TRIM2: variants seen among roughly 807,000 people sequenced by gnomAD.
TRIM2 encodes the protein tripartite motif containing 2.
In TRIM2, 20 loss-of-function variants were observed where a neutral mutation model predicts 75.2. The ratio of observed to expected loss-of-function variants is 0.27; its 90% CI spans 0.19 to 0.39. TRIM2 has a LOEUF of 0.39. Among genes scored for constraint, TRIM2 ranks in the 10% least tolerant of loss-of-function variants. The pLI, the probability that TRIM2 is intolerant of heterozygous loss-of-function variation, is 1.00. For missense variants in TRIM2, 660 were observed against 990.8 expected, an observed-to-expected ratio of 0.67 and a Z score of 4.48; for synonymous variants, 373 against 388.3, an observed-to-expected ratio of 0.96 and a Z score of 0.46.
At chr4:153,320,647 T>C (rs1190521706) in intron 8 of TRIM2, among the ~76,000 whole-genome samples, 1 of 152,200 alleles carries the variant, frequency 6.6e-6, no homozygotes, top group Non-Finnish European at 1.5e-5. Flanking sequence ...TTGTTGTTGT[T>C]TTCGAGACAG....
chr4:153,283,914 A>C (rs1463426465), intron 3 of TRIM2, among the ~76,000 whole-genome samples: 2 of 119,022 alleles, frequency 1.7e-5, no homozygotes, highest in East Asian at 4.8e-4. Flanking sequence ...TCTGCTGCCC[A>C]GGCTGGAATG....
At chr4:153,190,655 C>G (rs1485381176) in intron 1 of TRIM2, among the ~76,000 whole-genome samples, 3 of 152,170 alleles carry the variant, frequency 2.0e-5, no homozygotes, top group African/African-American at 7.2e-5. Flanking sequence ...GGGAGGAATA[C>G]TAGGGCATCT....
intron 10 of TRIM2, among the ~76,000 whole-genome samples, chr4:153,325,500 G>T (rs1769975012): frequency 6.6e-6 from 1 of 152,210 alleles, no homozygotes; most frequent in South Asian, 2.1e-4. Context: ...CGGAAGTAGA[G>T]AGCAAAGAGG....
At chr4:153,182,081 C>A (rs1187297063) in intron 1 of TRIM2, among the ~76,000 whole-genome samples, 1 of 152,168 alleles carries the variant, frequency 6.6e-6, no homozygotes, top group Non-Finnish European at 1.5e-5. Context: ...AGTGCCCAAG[C>A]AGCCCATTTT....
At position 153,293,081 on chromosome 4, in the gene TRIM2, G is replaced by A; in HGVS notation, c.553G>A (p.Val185Met). The A allele has an allele frequency of 1.9e-6, 3 of 1,613,638 alleles. No individual in the cohort carries two copies. The highest frequency in any genetic ancestry group is 2.2e-5 in the East Asian group (1 of 44,876). ...EHPTVPLKDV[V>M]EQHKASLQVQ... ...CCCCACAGTTCCACTCAAGGATGTGGTGGAACAGCACAAGGCCTCGCTCCA... is the reference window on the plus strand; with the variant it reads ...CCCCACAGTTCCACTCAAGGATGTGATGGAACAGCACAAGGCCTCGCTCCA... Residue 185 changes from valine to methionine, a missense_variant, in exon 4 of 12, where the codon GTG becomes ATG. Coordinates refer to ENST00000338700, the MANE Select transcript of TRIM2 (RefSeq NM_015271.5).
chr4:153,278,248 G>T (rs1758458453), intron 3 of TRIM2, among the ~76,000 whole-genome samples: 1 of 152,024 alleles, frequency 6.6e-6, no homozygotes, highest in African/African-American at 2.4e-5. Context: ...CCAGTATCTG[G>T]GACTACAGGT....
intron 8 of TRIM2, among the ~76,000 whole-genome samples, chr4:153,320,984 C>T: frequency 6.6e-6 from 1 of 152,206 alleles, no homozygotes. Context: ...CACGTCAAGC[C>T]TGGGTGCCAG....
chr4:153,156,142 C>A (rs752812480), intron 1 of TRIM2, among the ~76,000 whole-genome samples: 1 of 152,252 alleles, frequency 6.6e-6, no homozygotes, highest in Non-Finnish European at 1.5e-5. Context: ...GGCCCCTCAT[C>A]CAGATAGGCA....
In TRIM2 at chr4:153,337,102, G is replaced by A. The variant is rs144045281; in HGVS notation, c.*2136G>A. ...TGGGGTGGGAATTTCATTTTGCCAC[G>A]TACTAACGTTCTGCACAAAAGACAG... On this transcript the variant is annotated 3_prime_UTR_variant, in exon 12 of 12. Coordinates refer to ENST00000338700, the MANE Select transcript of TRIM2 (RefSeq NM_015271.5). 2,143 of 985,368 alleles carry A rather than the reference G, an allele frequency of 2.2e-3. 26 individuals carry two copies. In the African/African-American group the frequency reaches 0.035, roughly 16 times the overall value. The allele number at this position is 985,368 out of a possible 1,614,324, so 61.0% of individuals were successfully genotyped here. A position where few individuals can be genotyped will look rare whatever the true frequency, so the allele number is the denominator to read the frequency against.
At position 153,155,640 on chromosome 4, in the gene TRIM2, G is replaced by A. The variant is rs148981499; in HGVS notation, c.-49+2370G>A. On this transcript the variant is annotated intron_variant, in intron 1 of 11. Coordinates refer to the TRIM2 transcript ENST00000437508. ...AAAGTAAAATTAACCACCAAGAGGC[G>A]TCTAGAAGTGAACAATTTATCATCT... 8.1e-3 allele frequency among the ~76,000 whole-genome samples: 1,225 copies of A among 152,168 alleles called. 28 individuals carry two copies. Among genetic ancestry groups the A allele is most frequent in the Non-Finnish European group, 6.4e-3 (435 of 67,996 alleles).
intron 1 of TRIM2, among the ~76,000 whole-genome samples, chr4:153,269,998 A>G (rs2119162): frequency 0.33 from 50,069 of 151,830 alleles, 8,705 homozygotes; most frequent in African/African-American, 0.44. Context: ...GCGCGATCTC[A>G]GCTCACTGCA....
chr4:153,317,092 G>A (rs1243836558), intron 8 of TRIM2, among the ~76,000 whole-genome samples: 1 of 150,486 alleles, frequency 6.6e-6, no homozygotes, highest in Non-Finnish European at 1.5e-5. Context: ...GTGTTAGCTA[G>A]GATGGTCTGG....
At chr4:153,160,307 G>A (rs553026863) in intron 1 of TRIM2, among the ~76,000 whole-genome samples, 2 of 152,076 alleles carry the variant, frequency 1.3e-5, no homozygotes, top group South Asian at 2.1e-4. Flanking sequence ...AAGATGAATC[G>A]GAGATTCAAC....
rs1298754423 is a variant in TRIM2, at chr4:153,315,978, C to T, written c.1761C>T (p.Phe587=). 1 of 1,578,438 alleles carries T rather than the reference C, an allele frequency of 6.3e-7. No homozygotes were observed. Among genetic ancestry groups the T allele is most frequent in the African/African-American group, 1.4e-5 (1 of 73,452 alleles). The change falls in exon 8 of 12, where the codon TTC becomes TTT. Residue 587 remains phenylalanine (F), a synonymous_variant. Coordinates refer to ENST00000338700, the MANE Select transcript of TRIM2 (RefSeq NM_015271.5). Reference sequence around the variant, plus strand: ...ATGATAATAAATGGGTCAGCATTTTCTCCTCCGATGGGAAATTTAAGGTAA... The same window carrying T: ...ATGATAATAAATGGGTCAGCATTTTTTCCTCCGATGGGAAATTTAAGGTAA... ...ADYDNKWVSI[F]SSDGKFKTKI...
intron 1 of TRIM2, among the ~76,000 whole-genome samples, chr4:153,174,010 G>A (rs1390296817): frequency 6.6e-6 from 1 of 151,496 alleles, no homozygotes; most frequent in Admixed American, 6.6e-5. Flanking sequence ...AAAAGGAAAT[G>A]CAAGCAACAC....
At position 153,154,141 on chromosome 4, in the gene TRIM2, G is replaced by C. The variant is rs113981118; in HGVS notation, c.-49+871G>C. On this transcript the variant is annotated intron_variant, in intron 1 of 11. Transcript: ENST00000437508. The stretch of plus-strand genomic sequence containing the variant: ...AAAGAAACTCGGCCCTTCCCTAAAG[G>C]TTCCGAGGAGCGTTTCACAGAGTCA... Among the ~76,000 whole-genome samples, 777 of 152,294 alleles carry C rather than the reference G, an allele frequency of 5.1e-3. 5 individuals are homozygous for C. The highest frequency in any genetic ancestry group is 0.017 in the African/African-American group (689 of 41,554).
In TRIM2 at chr4:153,249,982, C is replaced by T. The variant is rs558779511; in HGVS notation, c.31-20353C>T. 2.9e-4 allele frequency among the ~76,000 whole-genome samples: 44 copies of T among 152,246 alleles called. 1 individual carries two copies. The South Asian group carries it at 8.9e-3, about 31-fold the overall frequency. ...CCAAGCAATGGGCGAAACAAAAGAG[C>T]TTTGTGTTTGCGTGCTTTTGCTTTT... On this transcript the variant is annotated intron_variant, in intron 1 of 11. Transcript: ENST00000338700.
At chr4:153,159,673 A>G (rs1342079051) in intron 1 of TRIM2, among the ~76,000 whole-genome samples, 3 of 152,094 alleles carry the variant, frequency 2.0e-5, no homozygotes, top group Non-Finnish European at 4.4e-5. Context: ...TGTAACTCAA[A>G]CTTTAATACT....
At chr4:153,319,591 A>G (rs1768473913) in intron 8 of TRIM2, among the ~76,000 whole-genome samples, 1 of 152,052 alleles carries the variant, frequency 6.6e-6, no homozygotes, top group Admixed American at 6.5e-5. Flanking sequence ...TTATCTGGGC[A>G]TGGTGATGGG....
Sources: allele counts gnomAD v4.1 joint callset (sites outside exome capture counted in the v4.1 genomes callset), GRCh38; gene constraint gnomAD v4.1.1; transcripts MANE v1.5; gene names NCBI Gene and HGNC (gene_info 2026-07-23, HGNC 2026-07-21).